DLGAP1: variants seen among roughly 807,000 people sequenced by gnomAD.
DLGAP1 encodes the protein DLG associated protein 1, also known as disks large-associated protein 1.
In DLGAP1, 11 loss-of-function variants were observed where a neutral mutation model predicts 90.8. The ratio of observed to expected loss-of-function variants is 0.12; its 90% CI spans 0.08 to 0.20. The LOEUF (loss-of-function observed/expected upper bound fraction) is 0.20. DLGAP1 is among the 10% of genes least tolerant of loss of function. The pLI, the probability that DLGAP1 is intolerant of heterozygous loss-of-function variation, is 1.00. For missense variants in DLGAP1, 1,050 were observed against 1,333.8 expected, an observed-to-expected ratio of 0.79 and a Z score of 3.31; for synonymous variants, 558 against 540.7, an observed-to-expected ratio of 1.03 and a Z score of -0.44.
chr18:3,522,807 A>T (rs1181926718), intron 10 of DLGAP1, among the ~76,000 whole-genome samples: 1 of 152,004 alleles, frequency 6.6e-6, no homozygotes, highest in Admixed American at 6.6e-5. Flanking sequence ...CCTTCCAAAG[A>T]GCTGGGATTA....
chr18:3,548,785 C>T (rs2053208963), intron 9 of DLGAP1, among the ~76,000 whole-genome samples: 1 of 152,166 alleles, frequency 6.6e-6, no homozygotes, highest in Admixed American at 6.5e-5. Context: ...GCCTGTAATT[C>T]CAGCACTTTT....
Position 3,883,073 on chromosome 18 carries a change from G to A in DLGAP1, c.-72-2933C>T, listed in dbSNP as rs566935373. Reference sequence around the variant, plus strand: ...AGTCTAGCCAACATGGTGAAACCTCGTCTCTACTAAAAATACAAAAATTAG... The same window carrying A: ...AGTCTAGCCAACATGGTGAAACCTCATCTCTACTAAAAATACAAAAATTAG... On this transcript the variant is annotated intron_variant, in intron 3 of 12. Coordinates refer to ENST00000315677, the MANE Select transcript of DLGAP1 (RefSeq NM_004746.4). Among the ~76,000 whole-genome samples, 8 of 152,128 alleles carry A rather than the reference G, an allele frequency of 5.3e-5. No homozygotes were observed. In the East Asian group the frequency reaches 7.7e-4, roughly 15 times the overall value.
chr18:3,742,774 A>G (rs1349301922), intron 5 of DLGAP1, among the ~76,000 whole-genome samples: 3 of 152,134 alleles, frequency 2.0e-5, no homozygotes, highest in African/African-American at 4.8e-5. Flanking sequence ...TTTTCTAGCC[A>G]TCCTAGGAAG....
intron 6 of DLGAP1, among the ~76,000 whole-genome samples, chr18:3,741,103 TCACCATCACCACCACCATCAC>T (rs2062946128): frequency 3.8e-5 from 2 of 53,154 alleles, no homozygotes; most frequent in South Asian, 6.8e-4. Flanking sequence ...ACCACCACCA[TCACCATCACCACCACCATCAC>T]CACCACCACC....
At chr18:4,154,723 G>A (rs1162296587) in intron 1 of DLGAP1, among the ~76,000 whole-genome samples, 1 of 152,128 alleles carries the variant, frequency 6.6e-6, no homozygotes, top group Non-Finnish European at 1.5e-5. Context: ...GCCTCTCTCA[G>A]TTTTAATGTC....
At chr18:4,073,773 A>G (rs2075485105) in intron 2 of DLGAP1, among the ~76,000 whole-genome samples, 1 of 152,080 alleles carries the variant, frequency 6.6e-6, no homozygotes, top group African/African-American at 2.4e-5. Context: ...AGATATCATC[A>G]CCCTATTTTG....
chr18:4,358,880 ACT>A (rs1222975144), intron 1 of DLGAP1, among the ~76,000 whole-genome samples: 1 of 152,104 alleles, frequency 6.6e-6, no homozygotes, highest in Non-Finnish European at 1.5e-5. Context: ...GCTGGCACTC[ACT>A]CTGCCACATT....
At chr18:3,874,866 C>T (rs1439057028) in intron 4 of DLGAP1, 2 of 993,204 alleles carry the variant, frequency 2.0e-6, no homozygotes, top group Non-Finnish European at 2.7e-6. Flanking sequence ...GCACTTATCA[C>T]TCATAATACA....
chr18:4,128,984 C>T (rs1334643433), intron 2 of DLGAP1, among the ~76,000 whole-genome samples: 1 of 151,944 alleles, frequency 6.6e-6, no homozygotes, highest in Non-Finnish European at 1.5e-5. Flanking sequence ...TAAGTTAAGG[C>T]TAAGTTCATA....
intron 11 of DLGAP1, among the ~76,000 whole-genome samples, chr18:3,503,586 G>GT (rs1236353988): frequency 1.3e-5 from 2 of 152,194 alleles, no homozygotes; most frequent in Non-Finnish European, 2.9e-5. Flanking sequence ...GCTGGTATCT[G>GT]TTTTGGTGAC....
chr18:4,309,408 G>A (rs571157278), intron 1 of DLGAP1, among the ~76,000 whole-genome samples: 1 of 152,294 alleles, frequency 6.6e-6, no homozygotes, highest in South Asian at 2.1e-4. Context: ...GAGTGCAAGA[G>A]AATTTGCAGA....
intron 1 of DLGAP1, among the ~76,000 whole-genome samples, chr18:4,397,069 G>T (rs1220069344): frequency 6.6e-6 from 1 of 152,218 alleles, no homozygotes; most frequent in African/African-American, 2.4e-5. Flanking sequence ...CCAAGGCAGG[G>T]TGTTTAAACT....
intron 10 of DLGAP1, among the ~76,000 whole-genome samples, chr18:3,518,842 A>C (rs961691940): frequency 2.0e-5 from 3 of 152,212 alleles, no homozygotes; most frequent in African/African-American, 7.2e-5. Flanking sequence ...CAGTATCCAA[A>C]AAAGGACATG....
chr18:3,736,107 T>C (rs1260179421), intron 6 of DLGAP1, among the ~76,000 whole-genome samples: 2 of 152,156 alleles, frequency 1.3e-5, no homozygotes, highest in Admixed American at 6.6e-5. Context: ...ACCCAACATG[T>C]TGCCAGAGAA....
intron 5 of DLGAP1, among the ~76,000 whole-genome samples, chr18:3,796,606 G>T (rs948257046): frequency 6.6e-6 from 1 of 152,164 alleles, no homozygotes; most frequent in South Asian, 2.1e-4. Context: ...AAGCAGACAC[G>T]TAAGGTGAGC....
chr18:4,310,179 G>A (rs909689354), intron 1 of DLGAP1, among the ~76,000 whole-genome samples: 15 of 152,276 alleles, frequency 9.9e-5, no homozygotes, highest in Admixed American at 2.0e-4. Context: ...GGTTAGAATC[G>A]TTCCTGTGGG....
intron 5 of DLGAP1, among the ~76,000 whole-genome samples, chr18:3,763,406 T>A (rs917366549): frequency 1.3e-5 from 2 of 152,176 alleles, no homozygotes; most frequent in African/African-American, 4.8e-5. Context: ...AGCTTGCAGA[T>A]AGTTTATTGT....
At chr18:3,830,639 A>G (rs1474239871) in intron 4 of DLGAP1, among the ~76,000 whole-genome samples, 1 of 152,242 alleles carries the variant, frequency 6.6e-6, no homozygotes, top group East Asian at 1.9e-4. Flanking sequence ...AAAGACAAAG[A>G]ATTCCATAAT....
intron 3 of DLGAP1, among the ~76,000 whole-genome samples, chr18:3,971,240 G>A (rs1331120890): frequency 6.6e-6 from 1 of 152,200 alleles, no homozygotes; most frequent in Non-Finnish European, 1.5e-5. Context: ...TGACCAGTTT[G>A]TGATGGTAGT....
Sources: gnomAD v4.1 joint callset for allele counts (sites outside exome capture counted in the v4.1 genomes callset) on GRCh38, gnomAD v4.1.1 for gene constraint, MANE v1.5 for transcripts, NCBI Gene and HGNC (gene_info 2026-07-23, HGNC 2026-07-21) for gene names.